Variants in PRKX observed in about 807,000 individuals in gnomAD.
PRKX encodes cAMP-dependent protein kinase catalytic subunit PRKX.
In PRKX, 12 loss-of-function variants were observed where a neutral mutation model predicts 22.0. The ratio of observed to expected loss-of-function variants is 0.54; its 90% confidence interval spans 0.35 to 0.88. PRKX has a LOEUF of 0.88. PRKX is among the 40% of genes least tolerant of loss of function. The pLI is 0.01. For missense variants in PRKX, 217 were observed against 308.0 expected, an observed-to-expected ratio of 0.70 and a Z score of 2.21; for synonymous variants, 134 against 137.7, an observed-to-expected ratio of 0.97 and a Z score of 0.19.
intron 1 of PRKX, among the ~76,000 whole-genome samples, chrX:3,704,109 G>A (rs1018074477): frequency 1.8e-5 from 2 of 111,990 alleles, no homozygotes; most frequent in African/African-American, 3.2e-5. Flanking sequence ...CGGAGACGCC[G>A]GGAAAACATG....
chrX:3,707,413 T>C (rs1928707375), intron 1 of PRKX, among the ~76,000 whole-genome samples: 2 of 110,905 alleles, frequency 1.8e-5, no homozygotes, highest in Admixed American at 9.7e-5. Flanking sequence ...ATGCGGTGGA[T>C]GGTCTTGGGC....
chrX:3,697,366 T>TA (rs1339532232), intron 1 of PRKX, among the ~76,000 whole-genome samples: 4 of 110,496 alleles, frequency 3.6e-5, no homozygotes, highest in Non-Finnish European at 5.7e-5. Context: ...ACCCAGTTTC[T>TA]AAAAAAAATA....
At chrX:3,707,151 T>C (rs1928702105) in intron 1 of PRKX, among the ~76,000 whole-genome samples, 1 of 110,471 alleles carries the variant, frequency 9.1e-6, no homozygotes, top group Non-Finnish European at 1.9e-5. Flanking sequence ...AAAAAGAAAA[T>C]AACACTAATG....
chrX:3,639,461 G>A (rs1259421160), intron 4 of PRKX, among the ~76,000 whole-genome samples: 9 of 47,145 alleles, frequency 1.9e-4, no homozygotes, highest in East Asian at 1.2e-3. Context: ...GGGTGGGGGG[G>A]TGGATGGATG....
At chrX:3,641,807 G>C in intron 4 of PRKX, 45 bp downstream of exon 4, 1 of 415,463 alleles carries the variant, frequency 2.4e-6, no homozygotes, top group East Asian at 4.0e-5. Flanking sequence ...GGGGAAGGGG[G>C]TGCTGGCCTG....
intron 6 of PRKX, among the ~76,000 whole-genome samples, chrX:3,617,067 TATAGAC>T (rs1603473003): frequency 2.7e-5 from 3 of 110,888 alleles, no homozygotes; most frequent in Admixed American, 9.7e-5. Flanking sequence ...TACACATACT[TATAGAC>T]ATACACACGT....
chrX:3,656,530 T>C (rs1477888139), intron 2 of PRKX, among the ~76,000 whole-genome samples: 1 of 111,212 alleles, frequency 9.0e-6, no homozygotes, highest in Non-Finnish European at 1.9e-5. Context: ...AGATAGATGC[T>C]AATATATGTG....
chrX:3,701,617 G>C (rs1358123331), intron 1 of PRKX, among the ~76,000 whole-genome samples: 1 of 112,433 alleles, frequency 8.9e-6, no homozygotes, highest in African/African-American at 3.2e-5. Context: ...ATCTTGAAGA[G>C]GAGCTGGGTA....
Position 3,605,936 on chromosome X carries a change from C to T in PRKX, c.*3033G>A, listed in dbSNP as rs41305157. On this transcript the variant is annotated 3_prime_UTR_variant, in exon 9 of 9. Coordinates refer to ENST00000262848, the MANE Select transcript of PRKX (RefSeq NM_005044.5). ...CTAAGCAGGATTTAGACTTCTGTTGCGAAGGAATTAGAAGAATTCAGTAGA... is the reference window on the plus strand; with the variant it reads ...CTAAGCAGGATTTAGACTTCTGTTGTGAAGGAATTAGAAGAATTCAGTAGA... 8 of 110,906 alleles carry T rather than the reference C, an allele frequency of 7.2e-5. No individual in the cohort carries two copies. The highest frequency in any genetic ancestry group is 1.1e-4 in the Non-Finnish European group (6 of 52,788). 9.1% of individuals were successfully genotyped at this position (110,906 alleles called of 1,213,427 possible). A position where few individuals can be genotyped will look rare whatever the true frequency, so the allele number is the denominator to read the frequency against.
chrX:3,711,264 G>A, intron 1 of PRKX, among the ~76,000 whole-genome samples: 1 of 110,242 alleles, frequency 9.1e-6, no homozygotes, highest in African/African-American at 3.3e-5. Context: ...AGTTATCCTT[G>A]AGAAAGGAGC....
At chrX:3,666,064 G>T (rs1248196525) in intron 2 of PRKX, among the ~76,000 whole-genome samples, 1 of 108,139 alleles carries the variant, frequency 9.2e-6, no homozygotes, top group Non-Finnish European at 1.9e-5. Flanking sequence ...AGGATAGAGT[G>T]CAGCGACACA....
At chrX:3,666,399 G>A (rs750030844) in intron 2 of PRKX, among the ~76,000 whole-genome samples, 11 of 110,345 alleles carry the variant, frequency 1.0e-4, no homozygotes, top group East Asian at 8.6e-4. Flanking sequence ...CTCGTGATCC[G>A]TCCACCTCGG....
intron 1 of PRKX, 111 bp downstream of exon 1, chrX:3,712,977 C>G (rs1928823178): frequency 1.1e-6 from 1 of 898,446 alleles, no homozygotes; most frequent in East Asian, 4.2e-5. Flanking sequence ...GCCGAAGTAG[C>G]GGGTCAGGGC....
At chrX:3,708,780 C>T (rs1331973579) in intron 1 of PRKX, among the ~76,000 whole-genome samples, 1 of 108,338 alleles carries the variant, frequency 9.2e-6, no homozygotes, top group Non-Finnish European at 1.9e-5. Flanking sequence ...AGGAGAATCG[C>T]TTGAACCCGG....
chrX:3,680,208 A>G (rs1179046952), intron 1 of PRKX, among the ~76,000 whole-genome samples: 4 of 110,247 alleles, frequency 3.6e-5, no homozygotes, highest in Non-Finnish European at 5.7e-5. Flanking sequence ...CAATGGCGCA[A>G]TCTCAGTTCA....
intron 2 of PRKX, among the ~76,000 whole-genome samples, chrX:3,663,380 T>C (rs1927644946): frequency 9.6e-6 from 1 of 103,666 alleles, no homozygotes; most frequent in South Asian, 4.5e-4. Context: ...TGCTTGAAAT[T>C]ATGAGTTTGA....
intron 1 of PRKX, among the ~76,000 whole-genome samples, chrX:3,686,067 A>G (rs1187582643): frequency 9.0e-6 from 1 of 111,637 alleles, no homozygotes; most frequent in Non-Finnish European, 1.9e-5. Context: ...AACAAAAAGT[A>G]AGCTTCACAG....
rs774566644 is a variant in PRKX at position 3,607,247 on chromosome X, CCTTTT to C, written c.*1717_*1721del. 2 of 111,892 alleles carry C rather than the reference CCTTTT, an allele frequency of 1.8e-5. No homozygotes were observed. The highest frequency in any genetic ancestry group is 3.2e-5 in the African/African-American group (1 of 30,787). The allele number at this position is 111,892 out of a possible 1,213,427, so 9.2% of individuals were successfully genotyped here. Reference sequence around the variant, plus strand: ...CTCCACATGTCGGTGCACAGTGTAACCTTTTCTTAAAAAAATATGGAATGCTGCAT... The same window carrying C: ...CTCCACATGTCGGTGCACAGTGTAACCTTAAAAAAATATGGAATGCTGCAT... On this transcript the variant is annotated 3_prime_UTR_variant, in exon 9 of 9. Transcript: ENST00000262848.
intron 3 of PRKX, among the ~76,000 whole-genome samples, chrX:3,650,246 G>C (rs1319611857): frequency 8.9e-6 from 1 of 111,824 alleles, no homozygotes; most frequent in Non-Finnish European, 1.9e-5. Context: ...AAATGGCGGG[G>C]CACGGTGGCT....
Sources: allele counts gnomAD v4.1 joint callset (sites outside exome capture counted in the v4.1 genomes callset), GRCh38; gene constraint gnomAD v4.1.1; transcripts MANE v1.5; gene names NCBI Gene and HGNC (gene_info 2026-07-23, HGNC 2026-07-21).